Variants in SCP2 observed in about 807,000 individuals in gnomAD.
SCP2 encodes the protein sterol carrier protein 2.
SCP2 carries 48 observed loss-of-function variants against 71.4 expected under a neutral mutation model. The observed-to-expected ratio is 0.67, with a 90% confidence interval of 0.53 to 0.86. The LOEUF is 0.86. Ranked by LOEUF, SCP2 falls within the 40% of genes least tolerant of loss-of-function variation. SCP2 has a pLI of 0.00. For synonymous variants in SCP2, 220 were observed against 218.1 expected, an observed-to-expected ratio of 1.01 and a Z score of -0.08; for missense variants, 560 against 655.6, an observed-to-expected ratio of 0.85 and a Z score of 1.59.
chr1:52,972,834 A>G (rs1047663717), intron 6 of SCP2, among the ~76,000 whole-genome samples: 3 of 152,236 alleles, frequency 2.0e-5, no homozygotes, highest in Non-Finnish European at 4.4e-5. Context: ...TTCATAACCC[A>G]TAAGCAGTCT....
At chr1:53,020,290 A>G (rs1271134231) in intron 12 of SCP2, among the ~76,000 whole-genome samples, 2 of 152,200 alleles carry the variant, frequency 1.3e-5, no homozygotes, top group East Asian at 3.8e-4. Context: ...TTTAGAAAAT[A>G]CTGAAAATAT....
intron 9 of SCP2, 21 bp downstream of exon 9, chr1:52,978,388 GTTATTT>G (rs775960335): frequency 6.3e-7 from 1 of 1,593,870 alleles, no homozygotes; most frequent in East Asian, 2.2e-5. Flanking sequence ...GATTCTATTT[GTTATTT>G]TTATTTTTAA....
At chr1:52,993,331 A>G in intron 11 of SCP2, 2 of 1,614,148 alleles carry the variant, frequency 1.2e-6, no homozygotes, top group East Asian at 4.5e-5. Flanking sequence ...CATTCATCCT[A>G]ATCTTTGCTG....
intron 14 of SCP2, among the ~76,000 whole-genome samples, chr1:53,043,580 G>T (rs1189414333): frequency 6.6e-6 from 1 of 152,240 alleles, no homozygotes. Context: ...TACTAGCTAT[G>T]TGGTCTTGGG....
At chr1:52,953,438 C>G (rs1655497595) in intron 4 of SCP2, among the ~76,000 whole-genome samples, 1 of 152,042 alleles carries the variant, frequency 6.6e-6, no homozygotes, top group Non-Finnish European at 1.5e-5. Flanking sequence ...CTCTTGGCCT[C>G]AGGTGATCCT....
In SCP2 at chr1:53,012,196, G is replaced by A. The variant is rs193203371; in HGVS notation, c.1082-2694G>A. Among the ~76,000 whole-genome samples, 277 of 152,334 alleles carry A rather than the reference G, an allele frequency of 1.8e-3. 1 individual carries two copies. The highest frequency in any genetic ancestry group is 9.9e-4 in the Non-Finnish European group (67 of 68,020). On this transcript the variant is annotated intron_variant, in intron 11 of 15. Transcript: ENST00000371514. ...GGTCATAAGACCCCCATTCCAGAAAGGGACCTGCCCCACGCCCAGAAGGAA... is the reference window on the plus strand; with the variant it reads ...GGTCATAAGACCCCCATTCCAGAAAAGGACCTGCCCCACGCCCAGAAGGAA...
intron 10 of SCP2, among the ~76,000 whole-genome samples, chr1:52,985,916 A>C (rs190623939): frequency 6.6e-6 from 1 of 152,014 alleles, no homozygotes; most frequent in South Asian, 2.1e-4. Flanking sequence ...AATGTGTCCT[A>C]TACCCTTTCC....
intron 5 of SCP2, among the ~76,000 whole-genome samples, chr1:52,957,350 C>T (rs1320228694): frequency 1.3e-5 from 2 of 152,144 alleles, no homozygotes; most frequent in African/African-American, 4.8e-5. Context: ...TATGCATATA[C>T]ACACACACAT....
intron 6 of SCP2, among the ~76,000 whole-genome samples, chr1:52,970,559 C>T (rs1657376574): frequency 6.6e-6 from 1 of 151,866 alleles, no homozygotes; most frequent in South Asian, 2.1e-4. Context: ...CCTCTCAGAA[C>T]TTATACCTTT....
At chr1:52,937,051 A>G (rs533759429) in intron 1 of SCP2, among the ~76,000 whole-genome samples, 1 of 152,320 alleles carries the variant, frequency 6.6e-6, no homozygotes, top group Non-Finnish European at 1.5e-5. Context: ...CGAGAATTAA[A>G]TTAACACCAA....
intron 5 of SCP2, among the ~76,000 whole-genome samples, chr1:52,960,952 A>G (rs965859018): frequency 2.0e-5 from 3 of 150,684 alleles, no homozygotes; most frequent in African/African-American, 7.3e-5. Context: ...AGGGTTCACC[A>G]TGTTGGCCAG....
intron 15 of SCP2, chr1:53,049,821 T>C (rs1308745485): frequency 6.6e-6 from 1 of 152,106 alleles, no homozygotes; most frequent in Admixed American, 6.5e-5. Flanking sequence ...TACATTCCCA[T>C]GGATGATGTA....
At position 53,015,112 on chromosome 1, in the gene SCP2, A is replaced by T. The variant is rs542219853; in HGVS notation, c.1235+69A>T. Reference sequence around the variant, plus strand: ...CTTTTCACAGTTGATGATGTTTTACATGTAAAAATTTCTTATTTTATTGTC... The same window carrying T: ...CTTTTCACAGTTGATGATGTTTTACTTGTAAAAATTTCTTATTTTATTGTC... On this transcript the variant is annotated intron_variant, in intron 12 of 15. Coordinates refer to ENST00000371514, the MANE Select transcript of SCP2 (RefSeq NM_002979.5). The T allele has an allele frequency of 4.8e-6, 7 of 1,445,696 alleles. No individual in the cohort carries two copies. The East Asian group carries it at 1.6e-4, about 33-fold the overall frequency. The allele number at this position is 1,445,696 out of a possible 1,614,324, so 89.6% of individuals were successfully genotyped here. A position where few individuals can be genotyped will look rare whatever the true frequency, so the allele number is the denominator to read the frequency against.
At chr1:52,980,893 T>C (rs1201750194) in intron 10 of SCP2, among the ~76,000 whole-genome samples, 3 of 152,212 alleles carry the variant, frequency 2.0e-5, no homozygotes, top group Non-Finnish European at 4.4e-5. Context: ...TTATTTAAAG[T>C]GTATCTCTTA....
intron 3 of SCP2, among the ~76,000 whole-genome samples, chr1:52,948,958 T>TG (rs904122060): frequency 3.3e-5 from 5 of 151,634 alleles, no homozygotes; most frequent in Non-Finnish European, 2.9e-5. Context: ...TTTTTTTTTT[T>TG]TTGTTTTTGG....
At chr1:52,944,762 C>A (rs1654613995) in intron 2 of SCP2, among the ~76,000 whole-genome samples, 1 of 151,976 alleles carries the variant, frequency 6.6e-6, no homozygotes, top group African/African-American at 2.4e-5. Context: ...TGACTCACGC[C>A]TGTAATCCCA....
intron 11 of SCP2, among the ~76,000 whole-genome samples, chr1:53,008,673 A>C (rs1015996729): frequency 2.0e-5 from 3 of 152,194 alleles, no homozygotes; most frequent in Non-Finnish European, 4.4e-5. Context: ...AGCCAATATC[A>C]TACTGAATGG....
intron 6 of SCP2, among the ~76,000 whole-genome samples, chr1:52,965,810 GT>G (rs371742850): frequency 1.3e-3 from 180 of 140,278 alleles, no homozygotes; most frequent in South Asian, 7.7e-3. Context: ...AATTTTTGTA[GT>G]TTTTTTTTTT....
At chr1:52,958,085 G>A (rs1655987568) in intron 5 of SCP2, among the ~76,000 whole-genome samples, 1 of 152,092 alleles carries the variant, frequency 6.6e-6, no homozygotes, top group African/African-American at 2.4e-5. Context: ...GTAGGTCTAT[G>A]TGTGAACTCT....
Sources: allele counts gnomAD v4.1 joint callset (sites outside exome capture counted in the v4.1 genomes callset), GRCh38; gene constraint gnomAD v4.1.1; transcripts MANE v1.5; gene names NCBI Gene and HGNC (gene_info 2026-07-23, HGNC 2026-07-21).